The following CCDC180 variants were observed in gnomAD, a reference collection of about 807,000 sequenced individuals.
CCDC180 encodes the protein coiled-coil domain-containing protein 180.
Under a neutral mutation model 209.2 loss-of-function variants are expected in CCDC180, and 154 were observed. That is an observed-to-expected ratio of 0.74 (90% CI 0.65 to 0.84). The LOEUF (loss-of-function observed/expected upper bound fraction) is 0.84, where lower values mean the gene tolerates loss of function less well. Ranked by LOEUF, CCDC180 falls within the 40% of genes least tolerant of loss-of-function variation. The pLI, the probability that CCDC180 is intolerant of heterozygous loss-of-function variation, is 0.00. For missense variants in CCDC180, 1,874 were observed against 1,997.3 expected (o/e 0.94, Z 1.18); for synonymous variants, 778 against 749.1 (o/e 1.04, Z -0.63).
rs759462679 is a variant in CCDC180, at chr9:97,374,593, G to A, written c.4651G>A (p.Ala1551Thr). 1.1e-5 allele frequency: 17 copies of A among 1,614,080 alleles called. No individual in the cohort carries two copies. The highest frequency in any genetic ancestry group is 5.3e-5 in the African/African-American group (4 of 75,020). ...KLSMLIRRKL[A>T]GLSLKEESEK... ...ATCAATGCTCATACGAAGGAAACTC[G>A]CTGGGCTCTCCCTGAAGGAAGAGAG... The change falls in exon 35 of 37, where the codon GCT (alanine) becomes ACT (threonine). Residue 1551 changes from alanine to threonine, a missense_variant. Transcript: ENST00000529487.
intron 29 of CCDC180, among the ~76,000 whole-genome samples, chr9:97,364,929 T>C (rs930536422): frequency 6.6e-6 from 1 of 152,188 alleles, no homozygotes; most frequent in Non-Finnish European, 1.5e-5. Context: ...GATTCCATGG[T>C]GAACAAGTAC....
intron 11 of CCDC180, among the ~76,000 whole-genome samples, chr9:97,321,353 C>T (rs941265556): frequency 6.6e-6 from 1 of 152,146 alleles, no homozygotes; most frequent in African/African-American, 2.4e-5. Flanking sequence ...TTTTCATCTC[C>T]TTAGAGGATA....
chr9:97,364,398 CT>C (rs1375317330), intron 29 of CCDC180: 46 of 393,590 alleles, frequency 1.2e-4, no homozygotes, highest in East Asian at 2.3e-4. Context: ...GAGGTCTGAA[CT>C]TTTTTTTGTA....
In CCDC180 at chr9:97,364,090, G is replaced by A. The variant is rs1377732194; in HGVS notation, c.3942G>A (p.Lys1314=). 1 of 1,613,986 alleles carries A rather than the reference G, an allele frequency of 6.2e-7. No individual in the cohort carries two copies. Among genetic ancestry groups the A allele is most frequent in the East Asian group, 2.2e-5 (1 of 44,880 alleles). Residue 1314 remains lysine, a synonymous_variant, in exon 29 of 37, where the codon AAG becomes AAA. Coordinates refer to ENST00000529487, the MANE Select transcript of CCDC180 (RefSeq NM_020893.6). ...CCAAGCCCAACAAAATGGAGAGAAA[G>A]TACCGGGTGCTTGGGGACAAGCCTC... ...PHPKPNKMER[K]YRVLGDKPPP...
rs149606791 is a variant in CCDC180, at chr9:97,361,806, C to T, written c.3564C>T (p.Asp1188=). ...SEALEEEAKL[D]VVTPESFTQL... is the part of the protein sequence containing the mutation. ...CCCTTGAAGAGGAGGCCAAGCTGGA[C>T]GTGGTCACCCCTGAGTCCTTCACCC... Residue 1188 remains aspartate (D), a synonymous_variant, in exon 27 of 37, where the codon GAC becomes GAT. Transcript: ENST00000529487. 2.0e-4 allele frequency: 326 copies of T among 1,614,176 alleles called. No individual in the cohort carries two copies. In the African/African-American group the frequency reaches 3.8e-3, roughly 19 times the overall value.
chr9:97,375,733 C>T (rs1056519674), intron 36 of CCDC180, 144 bp downstream of exon 36: 1 of 923,282 alleles, frequency 1.1e-6, no homozygotes, highest in East Asian at 2.6e-5. Context: ...AGCTGCAGGT[C>T]TCAACACTCA....
chr9:97,365,352 A>C, intron 29 of CCDC180: 1 of 257,202 alleles, frequency 3.9e-6, no homozygotes, highest in East Asian at 9.0e-5. Flanking sequence ...CAGTCACACA[A>C]ATCAATCCCA....
chr9:97,334,656 A>G (rs1385037535), intron 18 of CCDC180, among the ~76,000 whole-genome samples: 3 of 152,132 alleles, frequency 2.0e-5, no homozygotes, highest in African/African-American at 4.8e-5. Context: ...CTGTTTTCCT[A>G]TATAGGCTAT....
intron 18 of CCDC180, among the ~76,000 whole-genome samples, chr9:97,339,117 G>A (rs1057289413): frequency 6.6e-6 from 1 of 152,060 alleles, no homozygotes; most frequent in Non-Finnish European, 1.5e-5. Context: ...TATTCAATTT[G>A]CCAGTCTGTG....
At chr9:97,321,671 C>A (rs4237189) in intron 11 of CCDC180, among the ~76,000 whole-genome samples, 1 of 152,046 alleles carries the variant, frequency 6.6e-6, no homozygotes, top group Admixed American at 6.5e-5. Flanking sequence ...CTCTGCCCTC[C>A]GGCACTTCCA....
chr9:97,359,528 C>A (rs930684625), intron 25 of CCDC180, among the ~76,000 whole-genome samples: 3 of 152,116 alleles, frequency 2.0e-5, no homozygotes, highest in African/African-American at 7.2e-5. Flanking sequence ...CGAGAGGGTG[C>A]GTGTTAGACA....
At chr9:97,354,847 G>C (rs751509378) in intron 23 of CCDC180, 45 bp from the exon 24 acceptor site, 1 of 1,567,394 alleles carries the variant, frequency 6.4e-7, no homozygotes, top group South Asian at 1.1e-5. Flanking sequence ...AGTCCAAAAG[G>C]TCCAAATTAA....
intron 14 of CCDC180, among the ~76,000 whole-genome samples, chr9:97,325,983 A>T (rs1564153396): frequency 6.6e-6 from 1 of 152,240 alleles, no homozygotes; most frequent in Admixed American, 6.5e-5. Context: ...AAGTTCTCCT[A>T]TATGGGGTCT....
In CCDC180 at chr9:97,320,214, C is replaced by T. The variant is rs569048076; in HGVS notation, c.1159+9C>T. ...CCTGAACAAGGAGCTAGGTGAGTGA[C>T]GTCTGCAGGACTCCACCTGCATTTC... On this transcript the variant is annotated intron_variant, in intron 11 of 36. Coordinates refer to ENST00000529487, the MANE Select transcript of CCDC180 (RefSeq NM_020893.6). 2.7e-5 allele frequency: 44 copies of T among 1,611,198 alleles called. No individual in the cohort carries two copies. The highest frequency in any genetic ancestry group is 3.3e-5 in the South Asian group (3 of 91,040).
intron 15 of CCDC180, among the ~76,000 whole-genome samples, chr9:97,327,000 C>T (rs537174503): frequency 1.8e-4 from 28 of 152,208 alleles, no homozygotes; most frequent in African/African-American, 5.1e-4. Context: ...GAAACCCCAC[C>T]TCTACTAAAA....
chr9:97,332,701 A>G (rs1399285998), intron 18 of CCDC180, among the ~76,000 whole-genome samples: 4 of 152,034 alleles, frequency 2.6e-5, no homozygotes, highest in African/African-American at 9.7e-5. Context: ...TAGGAATGCT[A>G]CTGATTTTTG....
chr9:97,311,696 AC>A (rs1832990805), intron 3 of CCDC180, among the ~76,000 whole-genome samples: 1 of 152,182 alleles, frequency 6.6e-6, no homozygotes, highest in African/African-American at 2.4e-5. Context: ...AAATGAGGTT[AC>A]CTCAAGTACG....
intron 8 of CCDC180, among the ~76,000 whole-genome samples, 159 bp downstream of exon 8, chr9:97,315,105 GAGTCCTTGCTATTGT>G (rs1338201617): frequency 6.6e-6 from 1 of 152,144 alleles, no homozygotes; most frequent in Non-Finnish European, 1.5e-5. Flanking sequence ...TAGAGAAGCA[GAGTCCTTGCTATTGT>G]AGTCCTTGCT....
intron 20 of CCDC180, among the ~76,000 whole-genome samples, chr9:97,348,466 T>C (rs772342555): frequency 6.6e-6 from 1 of 152,152 alleles, no homozygotes; most frequent in Non-Finnish European, 1.5e-5. Context: ...CCTGACCCAA[T>C]ACACAGTGTG....
Sources: gnomAD v4.1 joint callset for allele counts (sites outside exome capture counted in the v4.1 genomes callset) on GRCh38, gnomAD v4.1.1 for gene constraint, MANE v1.5 for transcripts, NCBI Gene and HGNC (gene_info 2026-07-23, HGNC 2026-07-21) for gene names.